The following PCDHGA3 variants were observed in gnomAD, a reference collection of about 807,000 sequenced individuals.
PCDHGA3 encodes protocadherin gamma-A3.
Under a neutral mutation model 58.5 loss-of-function variants are expected in PCDHGA3, and 40 were observed. That is an observed-to-expected ratio of 0.68 (90% CI 0.53 to 0.89). The LOEUF (loss-of-function observed/expected upper bound fraction) is 0.89. PCDHGA3 is among the 40% of genes least tolerant of loss of function. The pLI, the probability that PCDHGA3 is intolerant of heterozygous loss-of-function variation, is 0.00. For synonymous variants in PCDHGA3, 530 were observed against 525.7 expected, an observed-to-expected ratio of 1.01 and a Z score of -0.11; for missense variants, 1,223 against 1,195.9, an observed-to-expected ratio of 1.02 and a Z score of -0.33.
chr5:141,396,584 C>T (rs2093399172), intron 1 of PCDHGA3: 1 of 151,318 alleles, frequency 6.6e-6, no homozygotes, highest in Non-Finnish European at 1.5e-5. Flanking sequence ...CCTGTCACTG[C>T]ACTCCAGCCT....
In PCDHGA3 at chr5:141,431,771, C is replaced by G. The variant is rs1175712662; in HGVS notation, c.2425-63036C>G. 1.2e-6 allele frequency: 2 copies of G among 1,614,214 alleles called. No homozygotes were observed. Among genetic ancestry groups the G allele is most frequent in the Non-Finnish European group, 8.5e-7 (1 of 1,180,034 alleles). The stretch of plus-strand genomic sequence containing the variant: ...GCGAGCCAAAGTCCTGATCACTGTT[C>G]TGGACGTGAACGACAATGCCCCAGA... On this transcript the variant is annotated intron_variant, in intron 1 of 3. Coordinates refer to ENST00000253812, the MANE Select transcript of PCDHGA3 (RefSeq NM_018916.4). The surrounding 1 kb of genome is among the most constrained non-coding windows in gnomAD (Gnocchi z 4.8).
intron 3 of PCDHGA3, among the ~76,000 whole-genome samples, chr5:141,506,132 G>T (rs114930087): frequency 1.2e-4 from 18 of 152,310 alleles, no homozygotes; most frequent in African/African-American, 4.3e-4. Context: ...CAGAGCAGGA[G>T]AAGAAGAATA....
At chr5:141,399,837 C>T in intron 1 of PCDHGA3, 4 of 1,613,130 alleles carry the variant, frequency 2.5e-6, no homozygotes, top group Non-Finnish European at 3.4e-6. Context: ...GCTCTGCGCT[C>T]TTCGATATGG....
chr5:141,415,045 G>T, intron 1 of PCDHGA3: 1 of 1,613,538 alleles, frequency 6.2e-7, no homozygotes, highest in East Asian at 2.2e-5. Context: ...CTTCGCGGTG[G>T]GGGAGCACAC....
At chr5:141,399,519 G>T (rs1467117930) in intron 1 of PCDHGA3, 14 of 1,613,918 alleles carry the variant, frequency 8.7e-6, no homozygotes, top group Non-Finnish European at 1.2e-5. Context: ...ACCCTCCTGG[G>T]GCCTCCATCG....
At chr5:141,394,300 T>A (rs753637808) in intron 1 of PCDHGA3, 1 of 1,613,938 alleles carries the variant, frequency 6.2e-7, no homozygotes, top group Admixed American at 1.7e-5. Context: ...GAGGACACGC[T>A]GCAGGGGGCG....
chr5:141,347,613 C>T (rs537154488), intron 1 of PCDHGA3, among the ~76,000 whole-genome samples: 1 of 152,006 alleles, frequency 6.6e-6, no homozygotes, highest in Non-Finnish European at 1.5e-5. Context: ...ATGGTGAAAG[C>T]CTGTCTCTAC....
chr5:141,441,327 C>T (rs973149197), intron 1 of PCDHGA3: 2 of 152,196 alleles, frequency 1.3e-5, no homozygotes, highest in Admixed American at 6.5e-5. Flanking sequence ...AAAAATCTTC[C>T]TCCAATAATT....
In PCDHGA3 at chr5:141,472,980, C is replaced by CAAAA. The variant is rs60579131; in HGVS notation, c.2425-21813_2425-21810dup. ...CAGCCTGGGGAACAAGAGTGAAACT[C>CAAAA]AAAAAAAAAAAAAAAAAGAAAGAAA... On this transcript the variant is annotated intron_variant, in intron 1 of 3. Transcript: ENST00000253812. 5.5e-3 allele frequency among the ~76,000 whole-genome samples: 472 copies of CAAAA among 85,978 alleles called. 4 individuals carry two copies. The highest frequency in any genetic ancestry group is 0.013 in the Admixed American group (104 of 8,158). The allele number at this position is 85,978 out of a possible 152,430, so 56.4% of individuals were successfully genotyped here. A position where few individuals can be genotyped will look rare whatever the true frequency, so the allele number is the denominator to read the frequency against.
At chr5:141,418,908 C>A in intron 1 of PCDHGA3, 1 of 1,613,932 alleles carries the variant, frequency 6.2e-7, no homozygotes, top group South Asian at 1.1e-5. Flanking sequence ...ATAATCATCA[C>A]GTCACTCTCT....
intron 1 of PCDHGA3, chr5:141,389,358 A>G: frequency 6.2e-7 from 1 of 1,613,908 alleles, no homozygotes; most frequent in Non-Finnish European, 8.5e-7. Flanking sequence ...CATCATGGCC[A>G]GTGACCTGGA....
intron 1 of PCDHGA3, chr5:141,415,739 G>GT (rs1561759437): frequency 3.9e-5 from 17 of 435,138 alleles, no homozygotes; most frequent in African/African-American, 2.3e-4. Flanking sequence ...TGTTTATTAA[G>GT]GTTTTTTTTT....
chr5:141,351,075 CAGAGAT>C (rs1561499274), intron 1 of PCDHGA3: 12 of 1,614,032 alleles, frequency 7.4e-6, no homozygotes, highest in Non-Finnish European at 9.3e-6. Flanking sequence ...GGCATTAATG[CAGAGAT>C]CACCTATGCC....
intron 1 of PCDHGA3, among the ~76,000 whole-genome samples, chr5:141,433,818 CA>C (rs2097653666): frequency 7.5e-6 from 1 of 133,558 alleles, no homozygotes; most frequent in African/African-American, 2.9e-5. Flanking sequence ...GCCTGGGCAA[CA>C]AGAGTGAAAC....
intron 1 of PCDHGA3, chr5:141,423,206 C>A: frequency 6.2e-7 from 1 of 1,613,668 alleles, no homozygotes. Context: ...GCCACCGTCA[C>A]GCTCACCGTG....
At chr5:141,471,095 C>T (rs1266802067) in intron 1 of PCDHGA3, among the ~76,000 whole-genome samples, 1 of 144,764 alleles carries the variant, frequency 6.9e-6, no homozygotes, top group East Asian at 2.0e-4. Context: ...GTTGTCCAGG[C>T]TAGAGTGCAG....
intron 1 of PCDHGA3, chr5:141,378,129 A>G (rs974715464): frequency 1.3e-5 from 2 of 152,224 alleles, no homozygotes; most frequent in African/African-American, 4.8e-5. Context: ...GTATTTGTTG[A>G]CATCACCATT....
At chr5:141,465,894 G>A (rs970043849) in intron 1 of PCDHGA3, among the ~76,000 whole-genome samples, 1 of 152,098 alleles carries the variant, frequency 6.6e-6, no homozygotes, top group Non-Finnish European at 1.5e-5. Flanking sequence ...AGGCCGAGGC[G>A]GGCAAATCAC....
intron 1 of PCDHGA3, chr5:141,351,362 C>A (rs867459693): frequency 1.3e-5 from 21 of 1,612,386 alleles, no homozygotes; most frequent in Non-Finnish European, 1.8e-5. Context: ...CATAAAAGTG[C>A]GAGACAAGGA....
Sources: gnomAD v4.1 joint callset for allele counts (sites outside exome capture counted in the v4.1 genomes callset) on GRCh38, gnomAD v4.1.1 for gene constraint, Gnocchi (gnomAD v3.1) non-coding constraint, MANE v1.5 for transcripts, NCBI Gene and HGNC (gene_info 2026-07-23, HGNC 2026-07-21) for gene names.